Variants in DPAGT1 observed in about 807,000 individuals in gnomAD.
DPAGT1 encodes dolichyl-phosphate N-acetylglucosaminephosphotransferase 1.
In DPAGT1, 25 loss-of-function variants were observed where a neutral mutation model predicts 39.3. The observed-to-expected ratio is 0.64, with a 90% confidence interval of 0.46 to 0.89. The LOEUF is 0.89. Ranked by LOEUF, DPAGT1 falls within the 40% of genes least tolerant of loss-of-function variation. The pLI, the probability that DPAGT1 is intolerant of heterozygous loss-of-function variation, is 0.00. For missense variants in DPAGT1, 381 were observed against 500.6 expected (o/e 0.76, Z 2.28); for synonymous variants, 193 against 201.4 (o/e 0.96, Z 0.36).
chr11:119,099,661 T>G (rs1201377147), intron 4 of DPAGT1, among the ~76,000 whole-genome samples: 1 of 151,114 alleles, frequency 6.6e-6, no homozygotes, highest in Non-Finnish European at 1.5e-5. Flanking sequence ...TGGTGGCACA[T>G]GCCTGTAGCC....
chr11:119,100,272 T>C lies in DPAGT1; in HGVS notation c.633A>G (p.Val211=), dbSNP rs767551785. Reference sequence around the variant, plus strand: ...CCCAATCCCACCTACCTTCCAACTCTACCAGGTTGAAGACAATGATGGAAG... The same window carrying C: ...CCCAATCCCACCTACCTTCCAACTCCACCAGGTTGAAGACAATGATGGAAG... ...ISASIIVFNL[V]ELEGDCRDDH... Residue 211 remains valine (V), a synonymous_variant, in exon 4 of 9, where the codon GTA becomes GTG. Coordinates refer to ENST00000354202, the MANE Select transcript of DPAGT1 (RefSeq NM_001382.4). 5 of 1,614,010 alleles carry C rather than the reference T, an allele frequency of 3.1e-6. 1 individual carries two copies. The Admixed American group carries it at 6.7e-5, about 22-fold the overall frequency.
At chr11:119,094,084 G>A (rs1946351856), downstream of DPAGT1, 1 of 152,644 alleles carries the variant, frequency 6.6e-6, no homozygotes, top group Admixed American at 6.5e-5. Flanking sequence ...GGCGTCGGGG[G>A]GCCCGACAGG....
chr11:119,093,937 C>G (rs1278075195), downstream of DPAGT1: 1 of 155,566 alleles, frequency 6.4e-6, no homozygotes, highest in African/African-American at 2.4e-5. Flanking sequence ...GCCTAAGGTT[C>G]TAGTCGTGGA....
At chr11:119,094,714 GGGCGGAC>G (rs1187010529), downstream of DPAGT1, 45 of 399,772 alleles carry the variant, frequency 1.1e-4, no homozygotes, top group African/African-American at 8.7e-4. Context: ...CCCTACCGGA[GGGCGGAC>G]GGCGGACAGG....
At chr11:119,101,190 A>G in intron 1 of DPAGT1, 52 bp from the exon 2 acceptor site, 1 of 1,611,618 alleles carries the variant, frequency 6.2e-7, no homozygotes, top group Non-Finnish European at 8.5e-7. Flanking sequence ...GGGCGTGGTC[A>G]CTCACTAGTG....
At chr11:119,094,567 G>T (rs541012833), downstream of DPAGT1, 88 of 163,458 alleles carry the variant, frequency 5.4e-4, no homozygotes, top group Middle Eastern at 2.9e-3. Context: ...GCCCCTTAGC[G>T]ACTCGGGATG....
Position 119,097,219 on chromosome 11 carries a change from T to C in DPAGT1, c.1084A>G (p.Thr362Ala), listed in dbSNP as rs1157779376. 1 of 1,613,998 alleles carries C rather than the reference T, an allele frequency of 6.2e-7. No homozygotes were observed. Among genetic ancestry groups the C allele is most frequent in the African/African-American group, 1.3e-5 (1 of 74,888 alleles). ...DGEFTECNNMTLINLLLKVLG... is the reference protein window; with the variant it reads ...DGEFTECNNMALINLLLKVLG... ...ACTTTAAGTAGCAAGTTGATGAGGG[T>C]CATGTTGTTACATTCAGTGAATTCA... Residue 362 changes from threonine (T) to alanine (A), a missense_variant, in exon 8 of 9, where the codon ACC becomes GCC. By Grantham distance (58) the Thr-to-Ala change is moderately conservative. Transcript: ENST00000354202. The surrounding 1 kb of genome is among the most constrained non-coding windows in gnomAD (Gnocchi z 4.6).
At chr11:119,095,477 G>A (rs548792278), downstream of DPAGT1, 19 of 1,388,972 alleles carry the variant, frequency 1.4e-5, no homozygotes, top group Non-Finnish European at 1.8e-5. Flanking sequence ...TCGCGCGCGC[G>A]CCGCGAGGCC....
intron 1 of DPAGT1, 125 bp from the exon 2 acceptor site, chr11:119,101,263 A>T: frequency 7.1e-7 from 1 of 1,412,690 alleles, no homozygotes; most frequent in Non-Finnish European, 9.8e-7. Context: ...GTAAGTGGTG[A>T]GGGGGGCGGA....
downstream of DPAGT1, among the ~76,000 whole-genome samples, chr11:119,096,022 G>GC (rs1946386164): frequency 2.0e-5 from 3 of 152,112 alleles, no homozygotes; most frequent in Non-Finnish European, 2.9e-5. Flanking sequence ...CTGGAGTGCA[G>GC]TAGTGTGATC....
chr11:119,101,294 A>G, intron 1 of DPAGT1, 156 bp from the exon 2 acceptor site: 1 of 1,353,906 alleles, frequency 7.4e-7, no homozygotes, highest in Non-Finnish European at 1.0e-6. Context: ...CACCACTGCC[A>G]GAGTCCCAGA....
In DPAGT1 at chr11:119,100,298, C is replaced by T; in HGVS notation, c.607G>A (p.Ala203Thr). Residue 203 changes from alanine to threonine, a missense_variant, in exon 4 of 9, where the codon GCT becomes ACT. Coordinates refer to ENST00000354202, the MANE Select transcript of DPAGT1 (RefSeq NM_001382.4). The stretch of plus-strand genomic sequence containing the variant: ...ACCAGGTTGAAGACAATGATGGAAG[C>T]AGAAATGACTAGTGACTGGCCAGCC... ...LEAGQSLVIS[A>T]SIIVFNLVEL... 1 of 1,614,156 alleles carries T rather than the reference C, an allele frequency of 6.2e-7. No homozygotes were observed. Among genetic ancestry groups the T allele is most frequent in the Non-Finnish European group, 8.5e-7 (1 of 1,180,030 alleles).
Position 119,101,681 on chromosome 11 carries a change from G to A in DPAGT1, c.-26C>T, listed in dbSNP as rs1210451156. The A allele has an allele frequency of 1.2e-6, 2 of 1,614,054 alleles. No individual in the cohort carries two copies. Among genetic ancestry groups the A allele is most frequent in the Non-Finnish European group, 1.7e-6 (2 of 1,179,994 alleles). On this transcript the variant is annotated 5_prime_UTR_variant, in exon 1 of 9. Transcript: ENST00000354202. The stretch of plus-strand genomic sequence containing the variant: ...GGTGACCGGTCAGGGGCCCGGCTCC[G>A]CCGCCTCTTCAGGTAACGGGCAAGC...
In DPAGT1 at chr11:119,101,657, G is replaced by A. The variant is rs1043274681; in HGVS notation, c.-2C>T. 1.2e-6 allele frequency: 2 copies of A among 1,614,278 alleles called. No homozygotes were observed. The highest frequency in any genetic ancestry group is 1.7e-6 in the Non-Finnish European group (2 of 1,180,050). On this transcript the variant is annotated 5_prime_UTR_variant, in exon 1 of 9. Coordinates refer to ENST00000354202, the MANE Select transcript of DPAGT1 (RefSeq NM_001382.4). ...GGGCAATTCCGAGAAGGCCCACATG[G>A]TGACCGGTCAGGGGCCCGGCTCCGC...
chr11:119,097,169 G>A lies in DPAGT1; in HGVS notation c.1134C>T (p.Asn378=), dbSNP rs761911331. The A allele has an allele frequency of 1.3e-5, 21 of 1,614,172 alleles. No individual in the cohort carries two copies. The highest frequency in any genetic ancestry group is 1.4e-5 in the Non-Finnish European group (17 of 1,180,020). ...LKVLGPIHER[N]LTLLLLLLQI... The stretch of plus-strand genomic sequence containing the variant: ...GCAGCAGCAGCAGGAGCAATGTGAG[G>A]TTTCTCTCATGTATGGGCCCAAGGA... The change falls in exon 8 of 9, where the codon AAC becomes AAT. Residue 378 remains asparagine, a synonymous_variant. Coordinates refer to ENST00000354202, the MANE Select transcript of DPAGT1 (RefSeq NM_001382.4). This position sits in a 1 kb window ranked among gnomAD's most constrained non-coding sequence, Gnocchi z 4.6.
intron 4 of DPAGT1, among the ~76,000 whole-genome samples, chr11:119,098,839 C>T (rs1824365726): frequency 6.6e-6 from 1 of 152,182 alleles, no homozygotes; most frequent in South Asian, 2.1e-4. Flanking sequence ...ACATCTGCCA[C>T]ATAAAACCAT....
chr11:119,097,873 G>C lies in DPAGT1; in HGVS notation c.899C>G (p.Pro300Arg). ...LPQLLHIIPC[P>R]RHRIPRLNIK... ...CGGCTACCTGGGTATGCGGTGGCGA[G>C]GGCAGGGGATGATATGCAGGAGCTG... Residue 300 changes from proline (P) to arginine (R), a missense_variant, in exon 6 of 9, where the codon CCT becomes CGT. By Grantham distance (103) the Pro-to-Arg change is moderately radical (BLOSUM62 -2). Coordinates refer to ENST00000354202, the MANE Select transcript of DPAGT1 (RefSeq NM_001382.4). The surrounding 1 kb of genome is among the most constrained non-coding windows in gnomAD (Gnocchi z 4.6). 6.2e-7 allele frequency: 1 copy of C among 1,614,120 alleles called. No homozygotes were observed. Among genetic ancestry groups the C allele is most frequent in the Non-Finnish European group, 8.5e-7 (1 of 1,179,990 alleles).
At chr11:119,100,602 T>C (rs1173601616) in intron 3 of DPAGT1, 28 bp downstream of exon 3, 2 of 1,612,954 alleles carry the variant, frequency 1.2e-6, no homozygotes, top group Middle Eastern at 1.7e-4. Context: ...GTAGGTGCCA[T>C]AGGGGCAGCA....
At chr11:119,095,388 C>T, downstream of DPAGT1, 1 of 1,559,562 alleles carries the variant, frequency 6.4e-7, no homozygotes, top group Non-Finnish European at 8.6e-7. Context: ...TTGCCGCGGC[C>T]CGACATGCTA....
Sources: gnomAD v4.1 joint callset for allele counts (sites outside exome capture counted in the v4.1 genomes callset) on GRCh38, gnomAD v4.1.1 for gene constraint, Gnocchi (gnomAD v3.1) non-coding constraint, MANE v1.5 for transcripts, NCBI Gene and HGNC (gene_info 2026-07-23, HGNC 2026-07-21) for gene names.